The following BRD4 variants were observed in gnomAD, a reference collection of about 807,000 sequenced individuals.
The protein encoded by BRD4 is bromodomain containing 4.
In BRD4, 16 loss-of-function variants were observed where a neutral mutation model predicts 142.1. The observed-to-expected ratio is 0.11, with a 90% CI of 0.08 to 0.17. BRD4 has a LOEUF of 0.17. Among genes scored for constraint, BRD4 ranks in the 10% least tolerant of loss-of-function variants. BRD4 has a pLI of 1.00. For synonymous variants in BRD4, 833 were observed against 707.5 expected (o/e 1.18, Z -2.82); for missense variants, 1,424 against 1,810.9 (o/e 0.79, Z 3.88).
At chr19:15,273,549 C>T (rs1029528041) in intron 1 of BRD4, among the ~76,000 whole-genome samples, 1 of 152,220 alleles carries the variant, frequency 6.6e-6, no homozygotes, top group Admixed American at 6.5e-5. Flanking sequence ...ATGACATTTA[C>T]ATTAAAACTC....
intron 1 of BRD4, among the ~76,000 whole-genome samples, chr19:15,298,620 C>CAAAAAAAAAAAAA (rs57719337): frequency 4.5e-5 from 3 of 66,038 alleles, no homozygotes; most frequent in African/African-American, 1.2e-4. Context: ...GACTCCAACT[C>CAAAAAAAAAAAAA]AAAAAAAAAA....
chr19:15,275,647 T>G (rs780709226), intron 1 of BRD4: 3 of 152,130 alleles, frequency 2.0e-5, no homozygotes, highest in Non-Finnish European at 4.4e-5. Context: ...GTTCGACACA[T>G]AAGACAAACC....
chr19:15,303,700 A>G (rs919479566), intron 1 of BRD4, among the ~76,000 whole-genome samples: 1 of 152,216 alleles, frequency 6.6e-6, no homozygotes, highest in African/African-American at 2.4e-5. Context: ...TTCCCCTTAT[A>G]TAGTCTGTGT....
At chr19:15,321,255 AAAG>A (rs940844705) in intron 1 of BRD4, among the ~76,000 whole-genome samples, 3 of 151,650 alleles carry the variant, frequency 2.0e-5, no homozygotes, top group Non-Finnish European at 4.4e-5. Context: ...GAAAGAAAGG[AAAG>A]AAAACAAAGA....
At chr19:15,302,146 G>A (rs937295146) in intron 1 of BRD4, among the ~76,000 whole-genome samples, 5 of 151,552 alleles carry the variant, frequency 3.3e-5, no homozygotes, top group Non-Finnish European at 5.9e-5. Context: ...CAGTCTGGGA[G>A]ACAGAGTGGG....
At chr19:15,275,940 G>C (rs1568394093) in intron 1 of BRD4, 1 of 152,402 alleles carries the variant, frequency 6.6e-6, no homozygotes, top group South Asian at 2.1e-4. Context: ...ACTGCAGTGA[G>C]CCATGATTGT....
At chr19:15,311,116 C>A (rs187290991) in intron 1 of BRD4, among the ~76,000 whole-genome samples, 1 of 151,756 alleles carries the variant, frequency 6.6e-6, no homozygotes, top group Non-Finnish European at 1.5e-5. Context: ...CATGGCGAAA[C>A]CCTGTCTGTA....
At chr19:15,248,520 G>C (rs935963263) in intron 11 of BRD4, 5 of 222,800 alleles carry the variant, frequency 2.2e-5, no homozygotes, top group Non-Finnish European at 4.5e-5. Flanking sequence ...CTGGTTCCAG[G>C]AGGTACTTTC....
chr19:15,255,905 C>T (rs954539502), intron 9 of BRD4, among the ~76,000 whole-genome samples, 159 bp downstream of exon 9: 2 of 152,240 alleles, frequency 1.3e-5, no homozygotes, highest in African/African-American at 4.8e-5. Flanking sequence ...GCAGCTAAGT[C>T]CTGTGTGCAA....
chr19:15,315,504 G>A (rs2048008990), intron 1 of BRD4, among the ~76,000 whole-genome samples: 1 of 151,924 alleles, frequency 6.6e-6, no homozygotes, highest in Admixed American at 6.6e-5. Flanking sequence ...GAATCCTTAA[G>A]GGGATTGGGG....
rs760505424 is a variant in BRD4 at position 15,238,920 on chromosome 19, C to T, written c.3843G>A (p.Arg1281=). ...GCTGCTGCTGCTGCTGCTCCTGGCG[C>T]CGACGTGCCTCCTCATGGGCCCGCC... ...QARRAHEEAR[R]RQEQQQQQRQ... The change falls in exon 19 of 20, where the codon CGG becomes CGA. Residue 1281 remains arginine, a synonymous_variant. Coordinates refer to ENST00000679869, the MANE Select transcript of BRD4 (RefSeq NM_001379291.1). The surrounding 1 kb of genome is among the most constrained non-coding windows in gnomAD (Gnocchi z 7.2). 6.3e-7 allele frequency: 1 copy of T among 1,597,122 alleles called. No homozygotes were observed. The highest frequency in any genetic ancestry group is 1.1e-5 in the South Asian group (1 of 89,316).
At chr19:15,324,645 T>C (rs1356832251) in intron 1 of BRD4, among the ~76,000 whole-genome samples, 1 of 152,222 alleles carries the variant, frequency 6.6e-6, no homozygotes. Context: ...TGTTCCAGTG[T>C]TCTGGAAAAA....
chr19:15,256,907 A>G (rs1437971960), intron 8 of BRD4, 57 bp downstream of exon 8: 2 of 1,443,424 alleles, frequency 1.4e-6, no homozygotes, highest in South Asian at 1.3e-5. Context: ...ACTTCTGGGG[A>G]GGCCACCCTG....
At chr19:15,281,556 C>A (rs1285468884) in intron 1 of BRD4, among the ~76,000 whole-genome samples, 1 of 152,170 alleles carries the variant, frequency 6.6e-6, no homozygotes, top group East Asian at 1.9e-4. Flanking sequence ...CAAAAGCTGC[C>A]AGCAACTGGA....
At chr19:15,272,585 C>G (rs2047600373) in intron 2 of BRD4, among the ~76,000 whole-genome samples, 1 of 152,156 alleles carries the variant, frequency 6.6e-6, no homozygotes, top group South Asian at 2.1e-4. Context: ...CACAATTTTC[C>G]CCAGGATTCC....
At chr19:15,318,755 T>C (rs2048036999) in intron 1 of BRD4, among the ~76,000 whole-genome samples, 1 of 152,236 alleles carries the variant, frequency 6.6e-6, no homozygotes, top group South Asian at 2.1e-4. Flanking sequence ...GGAGACAGTT[T>C]ACAAACAGCA....
Position 15,237,902 on chromosome 19 carries a change from C to T in BRD4, c.*475G>A, listed in dbSNP as rs1344148210. On this transcript the variant is annotated 3_prime_UTR_variant, in exon 20 of 20. Transcript: ENST00000679869. The stretch of plus-strand genomic sequence containing the variant: ...GGGCCGGCCTCGCCCGCCTCCAGCC[C>T]ACGCAGGCCTGCCCTGGCCTCCTGG... 1.7e-5 allele frequency: 4 copies of T among 238,670 alleles called. No individual in the cohort carries two copies. Among genetic ancestry groups the T allele is most frequent in the Non-Finnish European group, 3.3e-5 (4 of 121,776 alleles). 14.8% of individuals were successfully genotyped at this position (238,670 alleles called of 1,614,324 possible). A position where few individuals can be genotyped will look rare whatever the true frequency, so the allele number is the denominator to read the frequency against.
At chr19:15,264,302 C>G (rs2047506715) in intron 6 of BRD4, 102 bp downstream of exon 6, 13 of 1,464,202 alleles carry the variant, frequency 8.9e-6, no homozygotes, top group Non-Finnish European at 1.2e-5. Flanking sequence ...AGCCACCGTT[C>G]CAGGGCCTGG....
chr19:15,263,349 C>G, intron 7 of BRD4, 71 bp downstream of exon 7: 1 of 1,551,096 alleles, frequency 6.4e-7, no homozygotes, highest in Non-Finnish European at 8.7e-7. Context: ...CTGCCAAGGC[C>G]CACAGAAGTC....
Sources: allele counts gnomAD v4.1 joint callset (sites outside exome capture counted in the v4.1 genomes callset), GRCh38; gene constraint gnomAD v4.1.1; non-coding constraint Gnocchi (gnomAD v3.1); transcripts MANE v1.5; gene names NCBI Gene and HGNC (gene_info 2026-07-23, HGNC 2026-07-21).